The following TRIM44 variants were observed in gnomAD, a reference collection of about 807,000 sequenced individuals.
The protein encoded by TRIM44 is tripartite motif containing 44, also known as tripartite motif-containing protein 44.
In TRIM44, 13 loss-of-function variants were observed where a neutral mutation model predicts 37.4. The ratio of observed to expected loss-of-function variants is 0.35; its 90% CI spans 0.23 to 0.55. TRIM44 has a LOEUF of 0.55. TRIM44 is among the 20% of genes least tolerant of loss of function. The pLI is 0.89. For missense variants in TRIM44, 426 were observed against 437.2 expected, an observed-to-expected ratio of 0.97 and a Z score of 0.23; for synonymous variants, 175 against 157.2, an observed-to-expected ratio of 1.11 and a Z score of -0.85.
intron 4 of TRIM44, among the ~76,000 whole-genome samples, chr11:35,798,596 T>G (rs1346121995): frequency 6.6e-6 from 1 of 152,192 alleles, no homozygotes; most frequent in Non-Finnish European, 1.5e-5. Context: ...CTCCTGGGAA[T>G]TTTTCTTTGG....
At chr11:35,787,602 A>G (rs1307553232) in intron 4 of TRIM44, among the ~76,000 whole-genome samples, 1 of 152,186 alleles carries the variant, frequency 6.6e-6, no homozygotes, top group Non-Finnish European at 1.5e-5. Context: ...CCTTTTACAA[A>G]TCTTCTTAGA....
intron 1 of TRIM44, among the ~76,000 whole-genome samples, chr11:35,671,806 A>G (rs1851396225): frequency 6.6e-6 from 1 of 152,206 alleles, no homozygotes; most frequent in Non-Finnish European, 1.5e-5. Context: ...ACATTGCTGT[A>G]TTGCAGTTTT....
At chr11:35,758,479 G>C (rs1852677911) in intron 4 of TRIM44, among the ~76,000 whole-genome samples, 1 of 152,086 alleles carries the variant, frequency 6.6e-6, no homozygotes, top group African/African-American at 2.4e-5. Flanking sequence ...TCTTTTAATT[G>C]GAGCATTTAG....
intron 4 of TRIM44, among the ~76,000 whole-genome samples, chr11:35,745,606 A>G (rs935364922): frequency 6.6e-6 from 1 of 152,202 alleles, no homozygotes; most frequent in African/African-American, 2.4e-5. Flanking sequence ...GAGTTAAGAA[A>G]GATTTAAGAA....
At chr11:35,745,938 T>TA (rs1255764229) in intron 4 of TRIM44, among the ~76,000 whole-genome samples, 11 of 148,182 alleles carry the variant, frequency 7.4e-5, no homozygotes, top group Non-Finnish European at 1.2e-4. Context: ...ATCAACATTA[T>TA]AAAAAAAAAA....
intron 2 of TRIM44, among the ~76,000 whole-genome samples, chr11:35,709,251 G>A (rs529173080): frequency 6.6e-6 from 1 of 152,266 alleles, no homozygotes; most frequent in African/African-American, 2.4e-5. Context: ...GTCATTTTCT[G>A]TGAGACTTTG....
chr11:35,701,475 G>C (rs1851788358), intron 2 of TRIM44, among the ~76,000 whole-genome samples: 1 of 152,122 alleles, frequency 6.6e-6, no homozygotes, highest in South Asian at 2.1e-4. Context: ...AGTTAATGGA[G>C]GGAAAAAGAA....
intron 2 of TRIM44, among the ~76,000 whole-genome samples, chr11:35,688,007 C>T (rs138167802): frequency 6.6e-6 from 1 of 152,144 alleles, no homozygotes; most frequent in Admixed American, 6.6e-5. Flanking sequence ...AAAAAACAGG[C>T]CACTTAAATA....
chr11:35,757,921 A>G (rs908417398), intron 4 of TRIM44, among the ~76,000 whole-genome samples: 2 of 152,190 alleles, frequency 1.3e-5, no homozygotes, highest in East Asian at 1.9e-4. Context: ...ACTTCCCACT[A>G]TGCGGTCAAT....
At position 35,806,723 on chromosome 11, in the gene TRIM44, G is replaced by A. The variant is rs112757510; in HGVS notation, c.*338G>A. The A allele has an allele frequency of 2.0e-3, 509 of 248,690 alleles. 2 individuals are homozygous for A. Among genetic ancestry groups the A allele is most frequent in the African/African-American group, 9.9e-3 (445 of 44,946 alleles). 15.4% of individuals were successfully genotyped at this position (248,690 alleles called of 1,614,324 possible). A position where few individuals can be genotyped will look rare whatever the true frequency, so the allele number is the denominator to read the frequency against. On this transcript the variant is annotated 3_prime_UTR_variant, in exon 5 of 5. Transcript: ENST00000299413. ...TAATATTGTATTACCAAACAGTATC[G>A]CTTTGTTAGGAAGGATCTGGAATAA... is the stretch of plus-strand genomic sequence containing the variant.
intron 2 of TRIM44, among the ~76,000 whole-genome samples, chr11:35,696,136 ATTTT>A (rs1197445648): frequency 2.2e-5 from 3 of 138,290 alleles, no homozygotes; most frequent in African/African-American, 2.7e-5. Flanking sequence ...GATGAGTCAA[ATTTT>A]TTTTTTTTTT....
intron 1 of TRIM44, among the ~76,000 whole-genome samples, chr11:35,681,674 A>C (rs1158178095): frequency 1.3e-5 from 2 of 152,206 alleles, no homozygotes; most frequent in African/African-American, 4.8e-5. Flanking sequence ...GGTTAGAATT[A>C]GGCTGTCTTT....
chr11:35,758,328 C>CT (rs1441962307), intron 4 of TRIM44, among the ~76,000 whole-genome samples: 3 of 152,052 alleles, frequency 2.0e-5, no homozygotes, highest in Non-Finnish European at 4.4e-5. Context: ...CAACCCCTGC[C>CT]TTTTTTTGTT....
intron 2 of TRIM44, among the ~76,000 whole-genome samples, chr11:35,704,339 G>C (rs1437617518): frequency 6.6e-6 from 1 of 152,328 alleles, no homozygotes; most frequent in African/African-American, 2.4e-5. Flanking sequence ...ACACTCTGCA[G>C]GATATTATCC....
intron 4 of TRIM44, among the ~76,000 whole-genome samples, chr11:35,762,618 G>C (rs539396468): frequency 6.6e-6 from 1 of 152,210 alleles, no homozygotes; most frequent in East Asian, 1.9e-4. Context: ...CATAATATGT[G>C]AAATAACCAG....
At chr11:35,708,552 C>T (rs1271900278) in intron 2 of TRIM44, among the ~76,000 whole-genome samples, 1 of 151,694 alleles carries the variant, frequency 6.6e-6, no homozygotes, top group Non-Finnish European at 1.5e-5. Flanking sequence ...GAAAATGTGG[C>T]ACATATACAC....
chr11:35,789,348 A>G (rs1853171525), intron 4 of TRIM44, among the ~76,000 whole-genome samples: 1 of 152,236 alleles, frequency 6.6e-6, no homozygotes, highest in Non-Finnish European at 1.5e-5. Flanking sequence ...CCAAGGAGGA[A>G]GAAGGGGACA....
At chr11:35,751,508 C>T (rs1353684266) in intron 4 of TRIM44, among the ~76,000 whole-genome samples, 2 of 152,166 alleles carry the variant, frequency 1.3e-5, no homozygotes, top group Non-Finnish European at 2.9e-5. Flanking sequence ...ATCAGGCTTT[C>T]ATTAGAACCT....
chr11:35,790,638 A>C (rs1337566912), intron 4 of TRIM44, among the ~76,000 whole-genome samples: 2 of 152,118 alleles, frequency 1.3e-5, no homozygotes, highest in Non-Finnish European at 2.9e-5. Context: ...GTACAAGGAG[A>C]GCCTCTGGTA....
Sources: gnomAD v4.1 joint callset for allele counts (sites outside exome capture counted in the v4.1 genomes callset) on GRCh38, gnomAD v4.1.1 for gene constraint, MANE v1.5 for transcripts, NCBI Gene and HGNC (gene_info 2026-07-23, HGNC 2026-07-21) for gene names.